SIK3: variants seen among roughly 807,000 people sequenced by gnomAD.
SIK3 encodes SIK family kinase 3.
In SIK3, 28 loss-of-function variants were observed where a neutral mutation model predicts 144.2. That is an observed-to-expected ratio of 0.19 (90% CI 0.14 to 0.27). The LOEUF is 0.27. Ranked by LOEUF, SIK3 falls within the 10% of genes least tolerant of loss-of-function variation. The pLI is 1.00. For synonymous variants in SIK3, 686 were observed against 676.3 expected (o/e 1.01, Z -0.22); for missense variants, 1,319 against 1,776.0 (o/e 0.74, Z 4.62).
intron 3 of SIK3, among the ~76,000 whole-genome samples, chr11:116,936,832 T>A (rs1947945053): frequency 6.6e-6 from 1 of 152,236 alleles, no homozygotes; most frequent in Non-Finnish European, 1.5e-5. Flanking sequence ...CACCTGCATG[T>A]GTACTTGCTG....
chr11:116,903,845 G>A (rs1219345166), intron 4 of SIK3, among the ~76,000 whole-genome samples: 1 of 152,118 alleles, frequency 6.6e-6, no homozygotes, highest in African/African-American at 2.4e-5. Context: ...CTAGGCCTTC[G>A]TAAGTGCTGG....
At chr11:116,887,614 A>C (rs1420431045) in intron 6 of SIK3, among the ~76,000 whole-genome samples, 1 of 148,508 alleles carries the variant, frequency 6.7e-6, no homozygotes. Context: ...CTGTCTCCCA[A>C]AAAAAAAAAA....
chr11:116,941,107 G>A lies in SIK3; in HGVS notation c.454+12937C>T, dbSNP rs185388680. On this transcript the variant is annotated intron_variant, in intron 3 of 24. Transcript: ENST00000445177. Reference sequence around the variant, plus strand: ...CTGCAAGCTCCGCCTCCTGGGTTCAGGCCATTTTCCTGCCTCAGCCTCCCA... The same window carrying A: ...CTGCAAGCTCCGCCTCCTGGGTTCAAGCCATTTTCCTGCCTCAGCCTCCCA... Among the ~76,000 whole-genome samples the A allele has an allele frequency of 9.7e-4, 148 of 152,060 alleles. 1 individual carries two copies. Among genetic ancestry groups the A allele is most frequent in the African/African-American group, 3.2e-3 (133 of 41,482 alleles).
chr11:117,048,560 G>T (rs1953071196), intron 1 of SIK3, among the ~76,000 whole-genome samples: 1 of 152,112 alleles, frequency 6.6e-6, no homozygotes, highest in Non-Finnish European at 1.5e-5. Flanking sequence ...GGAGGCCGAG[G>T]CAGGAGAATC....
chr11:116,914,471 G>A (rs556864675), intron 4 of SIK3, among the ~76,000 whole-genome samples: 2 of 152,208 alleles, frequency 1.3e-5, no homozygotes, highest in African/African-American at 2.4e-5. Context: ...CCAAAGTGCT[G>A]GGATTACAAG....
chr11:116,978,525 G>T (rs1210505344), intron 1 of SIK3, among the ~76,000 whole-genome samples: 1 of 151,148 alleles, frequency 6.6e-6, no homozygotes, highest in East Asian at 1.9e-4. Flanking sequence ...TTTTTTTGAG[G>T]CAGGGTCTCA....
intron 3 of SIK3, among the ~76,000 whole-genome samples, chr11:116,939,187 AC>A (rs1329195848): frequency 2.6e-5 from 4 of 152,190 alleles, no homozygotes; most frequent in African/African-American, 7.2e-5. Flanking sequence ...TCACTCTGTC[AC>A]CCAGGCTGTA....
At chr11:116,988,155 G>GGC (rs2135545561) in intron 1 of SIK3, among the ~76,000 whole-genome samples, 1 of 152,044 alleles carries the variant, frequency 6.6e-6, no homozygotes, top group African/African-American at 2.4e-5. Flanking sequence ...CACTTTGGGA[G>GGC]GCCAAGGCAG....
chr11:116,997,185 A>T (rs893159190), intron 1 of SIK3, among the ~76,000 whole-genome samples: 1 of 152,196 alleles, frequency 6.6e-6, no homozygotes, highest in Non-Finnish European at 1.5e-5. Context: ...TCACCTTGCC[A>T]TACACTTGAC....
At position 116,929,502 on chromosome 11, in the gene SIK3, C is replaced by G. The variant is rs1006960300; in HGVS notation, c.455-2122G>C. On this transcript the variant is annotated intron_variant, in intron 3 of 24. Coordinates refer to ENST00000445177, the MANE Select transcript of SIK3 (RefSeq NM_001366686.3). ...TTATTAAGAAAGTCTTTATAAATTT[C>G]TAAGTACCTTGTTTTCCTAAAGTGA... Among the ~76,000 whole-genome samples the G allele has an allele frequency of 2.1e-3, 314 of 151,104 alleles. 3 individuals are homozygous for G. The highest frequency in any genetic ancestry group is 7.2e-3 in the African/African-American group (293 of 40,536).
chr11:117,070,371 AG>A lies in SIK3; in HGVS notation c.273+27771del, dbSNP rs1441938039. ...GAAGCTAAGATAAGAAGATCACTTG[AG>A]CCCAGTAATTCAAGGCTGCAGTGAG... On this transcript the variant is annotated intron_variant, in intron 1 of 24. Transcript: ENST00000445177. Among the ~76,000 whole-genome samples the A allele has an allele frequency of 2.6e-5, 4 of 152,280 alleles. No homozygotes were observed. The East Asian group carries it at 7.7e-4, about 29-fold the overall frequency.
intron 4 of SIK3, among the ~76,000 whole-genome samples, chr11:116,916,239 G>A (rs1946625248): frequency 6.6e-6 from 1 of 152,058 alleles, no homozygotes; most frequent in Non-Finnish European, 1.5e-5. Flanking sequence ...CTCAAATCAG[G>A]ATATTTTAAA....
At chr11:116,928,373 G>A (rs1293058534) in intron 3 of SIK3, among the ~76,000 whole-genome samples, 1 of 152,170 alleles carries the variant, frequency 6.6e-6, no homozygotes, top group Non-Finnish European at 1.5e-5. Flanking sequence ...AGTCTCATGA[G>A]CACTGTCCTT....
chr11:116,934,285 C>T (rs1340807085), intron 3 of SIK3, among the ~76,000 whole-genome samples: 1 of 152,166 alleles, frequency 6.6e-6, no homozygotes, highest in Admixed American at 6.5e-5. Context: ...ATTAAAAGAA[C>T]AAAAGATGAT....
intron 3 of SIK3, among the ~76,000 whole-genome samples, chr11:116,934,813 C>G (rs902925086): frequency 6.6e-5 from 10 of 152,078 alleles, no homozygotes; most frequent in Non-Finnish European, 1.5e-4. Context: ...GGCGCGGTGG[C>G]TCACCTCTAT....
At chr11:116,897,142 T>C (rs367868027) in intron 5 of SIK3, 51 bp downstream of exon 5, 11 of 1,573,522 alleles carry the variant, frequency 7.0e-6, no homozygotes, top group Non-Finnish European at 8.6e-6. Context: ...ATAGCTGTCA[T>C]CAACCAAGGG....
intron 21 of SIK3, among the ~76,000 whole-genome samples, chr11:116,851,462 T>C (rs1039494575): frequency 1.3e-5 from 2 of 152,166 alleles, no homozygotes; most frequent in Non-Finnish European, 2.9e-5. Context: ...TCTATAATGA[T>C]TAAGGTTAGG....
At chr11:116,936,602 T>C (rs1029922321) in intron 3 of SIK3, among the ~76,000 whole-genome samples, 1 of 152,216 alleles carries the variant, frequency 6.6e-6, no homozygotes, top group Non-Finnish European at 1.5e-5. Flanking sequence ...TCCTCACTCT[T>C]AACATCCAAT....
At chr11:116,947,204 T>G (rs1226774593) in intron 3 of SIK3, among the ~76,000 whole-genome samples, 3 of 139,572 alleles carry the variant, frequency 2.1e-5, no homozygotes, top group African/African-American at 8.0e-5. Flanking sequence ...ATACAAATTA[T>G]TATTTATATA....
Sources: allele counts gnomAD v4.1 joint callset (sites outside exome capture counted in the v4.1 genomes callset), GRCh38; gene constraint gnomAD v4.1.1; transcripts MANE v1.5; gene names NCBI Gene and HGNC (gene_info 2026-07-23, HGNC 2026-07-21).